JMJD1C: variants seen among roughly 807,000 people sequenced by gnomAD.
JMJD1C encodes the protein jumonji domain-containing protein 1C.
JMJD1C carries 31 observed loss-of-function variants against 245.3 expected under a neutral mutation model. The observed-to-expected ratio is 0.13, with a 90% CI of 0.09 to 0.17. The LOEUF is 0.17. Ranked by LOEUF, JMJD1C falls within the 10% of genes least tolerant of loss-of-function variation. The pLI is 1.00. For synonymous variants in JMJD1C, 1,057 were observed against 1,017.4 expected (o/e 1.04, Z -0.74); for missense variants, 2,691 against 3,000.2 (o/e 0.90, Z 2.41).
chr10:63,365,092 C>T (rs1052006181), intron 2 of JMJD1C, among the ~76,000 whole-genome samples: 7 of 152,216 alleles, frequency 4.6e-5, no homozygotes, highest in Admixed American at 6.5e-5. Context: ...ATTTCCCAAT[C>T]AGGACCTGTT....
intron 2 of JMJD1C, among the ~76,000 whole-genome samples, chr10:63,323,056 G>A (rs965197793): frequency 6.6e-6 from 1 of 151,944 alleles, no homozygotes; most frequent in East Asian, 1.9e-4. Flanking sequence ...AAAAAGTAGA[G>A]AAGAGAGAAA....
chr10:63,417,517 G>A (rs1949877193), intron 1 of JMJD1C, among the ~76,000 whole-genome samples: 1 of 152,056 alleles, frequency 6.6e-6, no homozygotes, highest in Non-Finnish European at 1.5e-5. Context: ...TTGCCCAATG[G>A]CCCTCATAAA....
At chr10:63,323,705 C>T (rs1400651827) in intron 2 of JMJD1C, among the ~76,000 whole-genome samples, 1 of 152,126 alleles carries the variant, frequency 6.6e-6, no homozygotes, top group African/African-American at 2.4e-5. Flanking sequence ...CAATGGCCTG[C>T]GGGGGCCATC....
intron 8 of JMJD1C, 121 bp from the exon 9 acceptor site, chr10:63,209,356 T>G: frequency 1.5e-6 from 1 of 657,918 alleles, no homozygotes; most frequent in Non-Finnish European, 2.3e-6. Context: ...AAATAGCAGT[T>G]TCTTTGGGAA....
chr10:63,504,891 C>T (rs896062041), intron 1 of JMJD1C, among the ~76,000 whole-genome samples: 1 of 152,122 alleles, frequency 6.6e-6, no homozygotes, highest in Non-Finnish European at 1.5e-5. Context: ...CTTGGTGGCA[C>T]AAGCCTGCAG....
Position 63,167,733 on chromosome 10 carries a change from A to G in JMJD1C, c.*312T>C. 4.9e-6 allele frequency: 1 copy of G among 204,306 alleles called. No homozygotes were observed. Among genetic ancestry groups the G allele is most frequent in the East Asian group, 1.1e-4 (1 of 9,354 alleles). The allele number at this position is 204,306 out of a possible 1,614,324, so 12.7% of individuals were successfully genotyped here. A position where few individuals can be genotyped will look rare whatever the true frequency, so the allele number is the denominator to read the frequency against. Reference sequence around the variant, plus strand: ...ATTTACACTTGATCAACAATATAGCATAGAATTTTTTATTTTTTACCAAAA... The same window carrying G: ...ATTTACACTTGATCAACAATATAGCGTAGAATTTTTTATTTTTTACCAAAA... On this transcript the variant is annotated 3_prime_UTR_variant, in exon 26 of 26. Transcript: ENST00000399262.
chr10:63,411,884 T>C lies in JMJD1C; in HGVS notation c.169-31402A>G, dbSNP rs187916648. On this transcript the variant is annotated intron_variant, in intron 1 of 25. Transcript: ENST00000399262. ...TCCCAAAGTGCTGGGATTACAGGCGTAAGCCACAGCGCCTGGCCCAATTTT... is the reference window on the plus strand; with the variant it reads ...TCCCAAAGTGCTGGGATTACAGGCGCAAGCCACAGCGCCTGGCCCAATTTT... 2.9e-3 allele frequency among the ~76,000 whole-genome samples: 438 copies of C among 151,384 alleles called. 2 individuals carry two copies. Among genetic ancestry groups the C allele is most frequent in the Non-Finnish European group, 5.1e-3 (343 of 67,890 alleles).
chr10:63,187,892 C>T (rs538075911), intron 18 of JMJD1C, among the ~76,000 whole-genome samples: 1 of 152,292 alleles, frequency 6.6e-6, no homozygotes, highest in African/African-American at 2.4e-5. Flanking sequence ...TGTTAAAACT[C>T]CTTAGCATGA....
At position 63,177,741 on chromosome 10, in the gene JMJD1C, G is replaced by C. The variant is rs34491125; in HGVS notation, c.7200C>G (p.Asp2400Glu). 0.03 allele frequency: 48,897 copies of C among 1,613,314 alleles called. 995 individuals carry two copies. The highest frequency in any genetic ancestry group is 0.067 in the South Asian group (6,135 of 91,040). ...CCTTTTGAAGAAATTCCCTTATCTT[G>C]TCAACATCTTTCCCAGCATAAATAT... ...LWHIYAGKDV[D>E]KIREFLQKIS... The change falls in exon 23 of 26, where the codon GAC becomes GAG. Residue 2400 changes from aspartate (D) to glutamate (E), a missense_variant. Physicochemically the swap from Asp to Glu is conservative, Grantham distance 45 (BLOSUM62 2). Transcript: ENST00000399262.
chr10:63,274,071 T>C (rs974400437), intron 2 of JMJD1C, among the ~76,000 whole-genome samples: 3 of 152,054 alleles, frequency 2.0e-5, no homozygotes, highest in Non-Finnish European at 2.9e-5. Flanking sequence ...AGTTCAATGA[T>C]CTAGCAATAT....
chr10:63,335,581 G>A (rs953228768), intron 2 of JMJD1C, among the ~76,000 whole-genome samples: 4 of 152,144 alleles, frequency 2.6e-5, no homozygotes, highest in African/African-American at 4.8e-5. Context: ...GCACAATCCC[G>A]GCTCACCGCA....
chr10:63,211,166 A>G (rs1019587774), intron 8 of JMJD1C, among the ~76,000 whole-genome samples: 4 of 152,142 alleles, frequency 2.6e-5, no homozygotes, highest in African/African-American at 9.7e-5. Flanking sequence ...CTTATCATCA[A>G]AGTTCACCCA....
At chr10:63,174,368 A>G (rs957735416) in intron 24 of JMJD1C, among the ~76,000 whole-genome samples, 10 of 152,242 alleles carry the variant, frequency 6.6e-5, no homozygotes, top group African/African-American at 2.4e-4. Context: ...AAAAAGAATC[A>G]ACTGATAAAT....
At chr10:63,254,075 T>G (rs1028500312) in intron 3 of JMJD1C, among the ~76,000 whole-genome samples, 1 of 152,184 alleles carries the variant, frequency 6.6e-6, no homozygotes, top group East Asian at 1.9e-4. Context: ...ACTTGAATTT[T>G]AGAGACAACT....
At chr10:63,432,824 A>C (rs1046210779) in intron 1 of JMJD1C, among the ~76,000 whole-genome samples, 7 of 152,212 alleles carry the variant, frequency 4.6e-5, no homozygotes, top group African/African-American at 1.7e-4. Context: ...CTTTTAGATT[A>C]CACCTAAAAA....
intron 2 of JMJD1C, among the ~76,000 whole-genome samples, chr10:63,344,718 TAAAC>T (rs1943662424): frequency 6.6e-6 from 1 of 151,294 alleles, no homozygotes; most frequent in Non-Finnish European, 1.5e-5. Context: ...AAAAATGATT[TAAAC>T]AAGCATGTCT....
intron 1 of JMJD1C, among the ~76,000 whole-genome samples, chr10:63,500,738 T>TGGAA (rs1352620928): frequency 1.2e-3 from 115 of 96,410 alleles, no homozygotes; most frequent in African/African-American, 4.6e-3. Context: ...GATGGATGGA[T>TGGAA]GGATGGAAGG....
At chr10:63,280,329 C>T (rs755405098) in intron 2 of JMJD1C, among the ~76,000 whole-genome samples, 1 of 152,028 alleles carries the variant, frequency 6.6e-6, no homozygotes, top group Non-Finnish European at 1.5e-5. Context: ...GTGGACGGAT[C>T]ACAAGGTCAA....
intron 3 of JMJD1C, among the ~76,000 whole-genome samples, chr10:63,225,477 T>C (rs1849151964): frequency 6.6e-6 from 1 of 152,108 alleles, no homozygotes; most frequent in Non-Finnish European, 1.5e-5. Flanking sequence ...CTTAATGTAC[T>C]GATACACAAA....
Sources: gnomAD v4.1 joint callset for allele counts (sites outside exome capture counted in the v4.1 genomes callset) on GRCh38, gnomAD v4.1.1 for gene constraint, MANE v1.5 for transcripts, NCBI Gene and HGNC (gene_info 2026-07-23, HGNC 2026-07-21) for gene names.